ZNF587B: variants seen among roughly 807,000 people sequenced by gnomAD.
The protein encoded by ZNF587B is zinc finger protein 587B.
In ZNF587B, 6 loss-of-function variants were observed where a neutral mutation model predicts 7.2. The ratio of observed to expected loss-of-function variants is 0.83; its 90% CI spans 0.46 to 1.65. The LOEUF is 1.65. ZNF587B is among the 40% of genes most tolerant of loss of function. The probability of loss-of-function intolerance (pLI) is 0.01; values close to 1 mark genes in which losing one functional copy is unlikely to be tolerated. For missense variants in ZNF587B, 749 were observed against 761.0 expected, an observed-to-expected ratio of 0.98 and a Z score of 0.19; for synonymous variants, 274 against 254.3, an observed-to-expected ratio of 1.08 and a Z score of -0.74.
rs1472191679 is a variant in ZNF587B, at chr19:57,843,253, A to G, written c.*677A>G. The G allele has an allele frequency of 2.1e-6, 2 of 970,472 alleles. No homozygotes were observed. The highest frequency in any genetic ancestry group is 6.2e-5 in the Admixed American group (1 of 16,232). 60.1% of individuals were successfully genotyped at this position (970,472 alleles called of 1,614,324 possible). On this transcript the variant is annotated 3_prime_UTR_variant, in exon 3 of 3. Coordinates refer to ENST00000594901, the MANE Select transcript of ZNF587B (RefSeq NM_001376223.1). ...GCAATCTGTACACCTCAGCCTCCCA[A>G]AGTGCTGAGATTGTAGGTTTGAGTC...
At chr19:57,839,285 T>C in intron 2 of ZNF587B, 136 bp downstream of exon 2, 1 of 1,412,316 alleles carries the variant, frequency 7.1e-7, no homozygotes, top group Non-Finnish European at 9.5e-7. Flanking sequence ...TTCTTGGTTG[T>C]AGGACTGAGG....
chr19:57,839,025 C>T lies in ZNF587B; in HGVS notation c.39C>T (p.Gly13=), dbSNP rs774961425. The change falls in exon 2 of 3, where the codon GGC becomes GGT. Residue 13 remains glycine, a splice_region_variant and synonymous_variant. Transcript: ENST00000594901. ...TTCATCTGTCAACATCATAACAGGG[C>T]ACAGTGACTTTTGAAGACGTGGCTG... is the stretch of plus-strand genomic sequence containing the variant. ...VVATLRLSAQ[G]TVTFEDVAVK... The T allele has an allele frequency of 2.5e-6, 4 of 1,613,896 alleles. No homozygotes were observed. The Admixed American group carries it at 6.7e-5, about 27-fold the overall frequency.
rs763774828 is a variant in ZNF587B at position 57,842,156 on chromosome 19, T to C, written c.1482T>C (p.Tyr494=). The change falls in exon 3 of 3, where the codon TAT becomes TAC. Residue 494 remains tyrosine, a synonymous_variant. Transcript: ENST00000594901. Reference sequence around the variant, plus strand: ...GAATTCACAGTGGAGAGAAGCCATATGCTTGTGAGGCTTGTCAGAAATTTT... The same window carrying C: ...GAATTCACAGTGGAGAGAAGCCATACGCTTGTGAGGCTTGTCAGAAATTTT... ...HQRIHSGEKP[Y]ACEACQKFFR... is the part of the protein sequence containing the mutation. 1.9e-6 allele frequency: 3 copies of C among 1,613,186 alleles called. No homozygotes were observed. In the South Asian group the frequency reaches 3.3e-5, roughly 18 times the overall value.
chr19:57,835,477 C>G (rs1988565015), intron 1 of ZNF587B, among the ~76,000 whole-genome samples: 1 of 124,754 alleles, frequency 8.0e-6, no homozygotes, highest in African/African-American at 3.2e-5. Flanking sequence ...CTGCCTCAGC[C>G]TCCTGAGTAG....
chr19:57,835,603 C>G (rs1600104008), intron 1 of ZNF587B, among the ~76,000 whole-genome samples: 1 of 140,986 alleles, frequency 7.1e-6, no homozygotes, highest in East Asian at 2.1e-4. Context: ...CTCAGGTGAT[C>G]CACCCACCTC....
chr19:57,842,820 A>C lies in ZNF587B; in HGVS notation c.*244A>C, dbSNP rs1442758595. The stretch of plus-strand genomic sequence containing the variant: ...TGAAGGCCTTACTAGTGTGGCAAAT[A>C]TAGGCTATTTATCCAGAAGTCTGGC... On this transcript the variant is annotated 3_prime_UTR_variant, in exon 3 of 3. Transcript: ENST00000594901. 1.0e-6 allele frequency: 1 copy of C among 985,282 alleles called. No individual in the cohort carries two copies. The highest frequency in any genetic ancestry group is 6.2e-5 in the Admixed American group (1 of 16,256). 61.0% of individuals were successfully genotyped at this position (985,282 alleles called of 1,614,324 possible). A position where few individuals can be genotyped will look rare whatever the true frequency, so the allele number is the denominator to read the frequency against.
At chr19:57,839,940 A>G (rs146127675) in intron 2 of ZNF587B, among the ~76,000 whole-genome samples, 22 of 152,008 alleles carry the variant, frequency 1.4e-4, no homozygotes, top group African/African-American at 5.3e-4. Flanking sequence ...TCACTCGAGC[A>G]TGATGGCATG....
At chr19:57,838,898 C>G in intron 1 of ZNF587B, 125 bp from the exon 2 acceptor site, 1 of 1,361,748 alleles carries the variant, frequency 7.3e-7, no homozygotes, top group Non-Finnish European at 1.0e-6. Context: ...GACCAGTGGG[C>G]CTAGTTTCTC....
intron 1 of ZNF587B, among the ~76,000 whole-genome samples, chr19:57,835,779 T>C (rs923125024): frequency 5.0e-5 from 7 of 140,230 alleles, no homozygotes; most frequent in Non-Finnish European, 7.7e-5. Context: ...GTTTTCACCA[T>C]GCTCAGACCC....
Position 57,845,385 on chromosome 19 carries a change from T to C in ZNF587B, c.*2809T>C, listed in dbSNP as rs1989026154. On this transcript the variant is annotated 3_prime_UTR_variant, in exon 3 of 3. Transcript: ENST00000594901. ...AAGACTTCCATAATAATGAATGTTG[T>C]GTAGCTAAGCTTTGGTCAGAGGAAA... 6.6e-6 allele frequency: 1 copy of C among 152,200 alleles called. No individual in the cohort carries two copies. The highest frequency in any genetic ancestry group is 1.5e-5 in the Non-Finnish European group (1 of 68,028). 9.4% of individuals were successfully genotyped at this position (152,200 alleles called of 1,614,324 possible). A position where few individuals can be genotyped will look rare whatever the true frequency, so the allele number is the denominator to read the frequency against.
At chr19:57,834,886 T>C (rs1448302256) in intron 1 of ZNF587B, among the ~76,000 whole-genome samples, 94 of 123,832 alleles carry the variant, frequency 7.6e-4, no homozygotes, top group African/African-American at 2.8e-3. Flanking sequence ...GTTAAGGGTA[T>C]GATGGGTGCA....
intron 1 of ZNF587B, among the ~76,000 whole-genome samples, chr19:57,835,433 T>C (rs199743437): frequency 7.9e-6 from 1 of 126,132 alleles, no homozygotes; most frequent in South Asian, 2.8e-4. Flanking sequence ...CTCTGCTCAC[T>C]GCAACCTCTG....
chr19:57,843,282 G>C lies in ZNF587B; in HGVS notation c.*706G>C, dbSNP rs977733634. 1.0e-6 allele frequency: 1 copy of C among 985,142 alleles called. No homozygotes were observed. The highest frequency in any genetic ancestry group is 6.1e-5 in the Admixed American group (1 of 16,266). 61.0% of individuals were successfully genotyped at this position (985,142 alleles called of 1,614,324 possible). On this transcript the variant is annotated 3_prime_UTR_variant, in exon 3 of 3. Coordinates refer to ENST00000594901, the MANE Select transcript of ZNF587B (RefSeq NM_001376223.1). ...GCTGAGATTGTAGGTTTGAGTCACT[G>C]TGCTCAGCCAATTATGTTTTTCTGT...
At position 57,841,030 on chromosome 19, in the gene ZNF587B, T is replaced by G. The variant is rs772906573; in HGVS notation, c.356T>G (p.Leu119Arg). ...DHQGTHHKQK[L>R]HRCEAWGNKL... The stretch of plus-strand genomic sequence containing the variant: ...CAGGGAACACATCACAAGCAGAAAC[T>G]GCACAGGTGTGAGGCCTGGGGGAAT... Residue 119 changes from leucine to arginine, a missense_variant, in exon 3 of 3, where the codon CTG becomes CGG. By Grantham distance (102) the Leu-to-Arg change is moderately radical. This residue lies in a region of ZNF587B where 72 missense variants were observed against 147.8 expected (regional missense o/e 0.49). Transcript: ENST00000594901. 1.9e-6 allele frequency: 3 copies of G among 1,610,922 alleles called. No individual in the cohort carries two copies. The highest frequency in any genetic ancestry group is 2.5e-6 in the Non-Finnish European group (3 of 1,178,466).
In ZNF587B at chr19:57,841,575, G is replaced by A. The variant is rs750602071; in HGVS notation, c.901G>A (p.Glu301Lys). The A allele has an allele frequency of 6.3e-7, 1 of 1,577,134 alleles. No individual in the cohort carries two copies. Among genetic ancestry groups the A allele is most frequent in the Admixed American group, 1.9e-5 (1 of 53,322 alleles). ...CACTGGAGGAAAACCTTATGGGTGT[G>A]AAGAATGTGGGAAATATTTTAGCTT... is the stretch of plus-strand genomic sequence containing the variant. ...FHTGGKPYGC[E>K]ECGKYFSLEG... is the part of the protein sequence containing the mutation. Residue 301 changes from glutamate (E) to lysine (K), a missense_variant, in exon 3 of 3, where the codon GAA becomes AAA. Around this residue, in one of 3 missense-constraint regions of ZNF587B, gnomAD observed 656 missense variants for 596.5 expected, o/e 1.10. Transcript: ENST00000594901.
Position 57,830,328 on chromosome 19 carries a change from G to A in ZNF587B, c.-201G>A, listed in dbSNP as rs1160660197. 4 of 538,244 alleles carry A rather than the reference G, an allele frequency of 7.4e-6. No homozygotes were observed. Among genetic ancestry groups the A allele is most frequent in the African/African-American group, 5.8e-5 (3 of 51,958 alleles). The allele number at this position is 538,244 out of a possible 1,614,324, so 33.3% of individuals were successfully genotyped here. The stretch of plus-strand genomic sequence containing the variant: ...GGTGTTGGGTTTATTTGTCGGAGAG[G>A]CTCCTGAGCGCTAGGTCGGCACTGC... On this transcript the variant is annotated 5_prime_UTR_variant, in exon 1 of 3. Coordinates refer to ENST00000594901, the MANE Select transcript of ZNF587B (RefSeq NM_001376223.1).
rs1394925833 is a variant in ZNF587B, at chr19:57,842,062, A to G, written c.1388A>G (p.Lys463Arg). Residue 463 changes from lysine to arginine, a missense_variant, in exon 3 of 3, where the codon AAA becomes AGA. By Grantham distance (26) the Lys-to-Arg change is conservative (BLOSUM62 2). Around this residue, in one of 3 missense-constraint regions of ZNF587B, gnomAD observed 656 missense variants for 596.5 expected, o/e 1.10. Transcript: ENST00000594901. ...LILHQHGHTR[K>R]RPYMCWECGK... is the part of the protein sequence containing the mutation. ...CTACACCAGCATGGCCATACTAGAA[A>G]AAGGCCTTATATGTGTTGGGAATGT... 1.1e-5 allele frequency: 17 copies of G among 1,590,036 alleles called. No homozygotes were observed. The highest frequency in any genetic ancestry group is 1.4e-5 in the Non-Finnish European group (16 of 1,167,850).
chr19:57,832,187 T>C (rs1040693909), intron 1 of ZNF587B, among the ~76,000 whole-genome samples: 8 of 151,442 alleles, frequency 5.3e-5, no homozygotes, highest in South Asian at 2.1e-4. Context: ...CCCGGGTTCA[T>C]GCCATTCTCC....
At chr19:57,832,220 G>C (rs1475728690) in intron 1 of ZNF587B, among the ~76,000 whole-genome samples, 3 of 151,942 alleles carry the variant, frequency 2.0e-5, no homozygotes, top group African/African-American at 2.4e-5. Context: ...CCGAGTAGCT[G>C]GGACTACAGG....
Sources: gnomAD v4.1 joint callset for allele counts (sites outside exome capture counted in the v4.1 genomes callset) on GRCh38, gnomAD v4.1.1 for gene constraint, gnomAD v4.1.1 regional missense constraint, MANE v1.5 for transcripts, NCBI Gene and HGNC (gene_info 2026-07-23, HGNC 2026-07-21) for gene names.